The following SF3A1 variants were observed in gnomAD, a reference collection of about 807,000 sequenced individuals.
The protein encoded by SF3A1 is splicing factor 3a subunit 1.
A neutral mutation model predicts 89.9 loss-of-function variants in SF3A1; 13 were observed. That is an observed-to-expected ratio of 0.14 (90% CI 0.09 to 0.23). SF3A1 has a LOEUF of 0.23. Ranked by LOEUF, SF3A1 falls within the 10% of genes least tolerant of loss-of-function variation. The pLI, the probability that SF3A1 is intolerant of heterozygous loss-of-function variation, is 1.00. For missense variants in SF3A1, 604 were observed against 1,022.1 expected, an observed-to-expected ratio of 0.59 and a Z score of 5.58; for synonymous variants, 405 against 374.4, an observed-to-expected ratio of 1.08 and a Z score of -0.94.
At chr22:30,336,348 T>C (rs369555445) in intron 13 of SF3A1, among the ~76,000 whole-genome samples, 52 of 152,126 alleles carry the variant, frequency 3.4e-4, no homozygotes, top group African/African-American at 1.0e-3. Flanking sequence ...CGAAACCCCA[T>C]CTCTACTAAA....
intron 9 of SF3A1, 108 bp downstream of exon 9, chr22:30,340,088 C>G: frequency 1.0e-6 from 1 of 980,852 alleles, no homozygotes; most frequent in Admixed American, 3.6e-5. Flanking sequence ...GAGTGCAACT[C>G]TCCTCAAAAG....
At chr22:30,349,141 C>A (rs1443867365) in intron 2 of SF3A1, among the ~76,000 whole-genome samples, 1 of 152,202 alleles carries the variant, frequency 6.6e-6, no homozygotes, top group Non-Finnish European at 1.5e-5. Context: ...TTTTGGAAAA[C>A]CGCTCAGTTG....
At chr22:30,342,429 A>G in intron 5 of SF3A1, 79 bp from the exon 6 acceptor site, 1 of 1,478,874 alleles carries the variant, frequency 6.8e-7, no homozygotes. Flanking sequence ...CAGGGCTTTC[A>G]TCAAAGTCAG....
Position 30,345,178 on chromosome 22 carries a change from C to T in SF3A1, c.406G>A (p.Val136Ile). ...QQLPQKVQAQ[V>I]IQETIVPKEP... ...TTGGGCACGATGGTCTCTTGGATTA[C>T]TTGGGCTTGGACCTAAGATGCAAAG... The change falls in exon 4 of 16, where the codon GTA becomes ATA. Residue 136 changes from valine to isoleucine, a missense_variant. Physicochemically the swap from Val to Ile is conservative, Grantham distance 29. Transcript: ENST00000215793. The T allele has an allele frequency of 1.2e-6, 2 of 1,613,600 alleles. No individual in the cohort carries two copies. The highest frequency in any genetic ancestry group is 1.7e-6 in the Non-Finnish European group (2 of 1,179,594).
At chr22:30,337,950 G>T in intron 11 of SF3A1, 53 bp from the exon 12 acceptor site, 2 of 1,318,702 alleles carry the variant, frequency 1.5e-6, no homozygotes, top group Non-Finnish European at 2.2e-6. Flanking sequence ...GGACTCCAAG[G>T]TCACACACAG....
At chr22:30,337,596 C>T (rs1002697927) in intron 12 of SF3A1, 94 bp downstream of exon 12, 4 of 741,642 alleles carry the variant, frequency 5.4e-6, no homozygotes, top group African/African-American at 1.7e-5. Context: ...CCTGCTGGAA[C>T]AGCTGGCACT....
At chr22:30,354,769 G>A (rs1010512386) in intron 1 of SF3A1, among the ~76,000 whole-genome samples, 7 of 152,126 alleles carry the variant, frequency 4.6e-5, no homozygotes, top group African/African-American at 7.2e-5. Context: ...TGATAATAAC[G>A]TTTATCAAGT....
At chr22:30,350,322 TA>T (rs896689707) in intron 2 of SF3A1, among the ~76,000 whole-genome samples, 4 of 139,322 alleles carry the variant, frequency 2.9e-5, no homozygotes, top group African/African-American at 2.6e-5. Context: ...ATAAAAAAAA[TA>T]AAAAAAAAAT....
At chr22:30,336,558 G>C (rs1013062106) in intron 13 of SF3A1, among the ~76,000 whole-genome samples, 2 of 152,124 alleles carry the variant, frequency 1.3e-5, no homozygotes, top group Non-Finnish European at 2.9e-5. Flanking sequence ...AGCTTCCCTA[G>C]TGATTAGCAG....
intron 13 of SF3A1, 42 bp downstream of exon 13, chr22:30,336,984 C>T (rs760038459): frequency 1.2e-6 from 2 of 1,612,678 alleles, no homozygotes; most frequent in East Asian, 2.2e-5. Context: ...CGGGACTGAA[C>T]CCTCCAGCTA....
intron 2 of SF3A1, 21 bp from the exon 3 acceptor site, chr22:30,346,540 A>C (rs1172220160): frequency 3.1e-6 from 5 of 1,613,154 alleles, no homozygotes; most frequent in East Asian, 2.2e-5. Flanking sequence ...AAAAAACAAC[A>C]AGAATAAACA....
intron 1 of SF3A1, among the ~76,000 whole-genome samples, chr22:30,354,590 C>T (rs2145825498): frequency 6.6e-6 from 1 of 152,302 alleles, no homozygotes; most frequent in East Asian, 1.9e-4. Context: ...CTAGACTAAA[C>T]AATCTGGCCC....
chr22:30,343,374 T>C (rs1429607862), intron 4 of SF3A1, among the ~76,000 whole-genome samples: 1 of 152,242 alleles, frequency 6.6e-6, no homozygotes, highest in Non-Finnish European at 1.5e-5. Context: ...CTCACTAGAC[T>C]AGAAACTCCA....
chr22:30,338,435 G>A (rs540348141), intron 11 of SF3A1, among the ~76,000 whole-genome samples: 90 of 148,346 alleles, frequency 6.1e-4, no homozygotes, highest in African/African-American at 2.1e-3. Flanking sequence ...TCCAGCCTGG[G>A]CGACAAGAGC....
At chr22:30,338,392 A>G (rs987600498) in intron 11 of SF3A1, among the ~76,000 whole-genome samples, 10 of 147,684 alleles carry the variant, frequency 6.8e-5, no homozygotes, top group Middle Eastern at 3.5e-3. Flanking sequence ...CGGGAGGCGG[A>G]GGTTGCGGTG....
At chr22:30,349,666 C>CTT (rs58624811) in intron 2 of SF3A1, among the ~76,000 whole-genome samples, 82 of 138,918 alleles carry the variant, frequency 5.9e-4, no homozygotes, top group African/African-American at 2.0e-3. Flanking sequence ...TTTTTTCTTT[C>CTT]TTTTTTTTTT....
intron 2 of SF3A1, among the ~76,000 whole-genome samples, chr22:30,351,866 C>G (rs1230646964): frequency 1.3e-5 from 2 of 152,234 alleles, no homozygotes; most frequent in Non-Finnish European, 2.9e-5. Flanking sequence ...AACAAAACAT[C>G]TGTAGGCTGG....
chr22:30,349,666 CTTTT>C (rs58624811), intron 2 of SF3A1, among the ~76,000 whole-genome samples: 16 of 138,894 alleles, frequency 1.2e-4, no homozygotes, highest in East Asian at 2.1e-4. Flanking sequence ...TTTTTTCTTT[CTTTT>C]TTTTTTTTTT....
chr22:30,336,975 G>A lies in SF3A1; in HGVS notation c.2106+51C>T, dbSNP rs879222613. 1.2e-5 allele frequency: 19 copies of A among 1,607,500 alleles called. No individual in the cohort carries two copies. In the African/African-American group the frequency reaches 1.5e-4, roughly 12 times the overall value. The stretch of plus-strand genomic sequence containing the variant: ...AGTTTCGCAAGTGTACGACAGGGGC[G>A]GGACTGAACCCTCCAGCTAGAAACT... On this transcript the variant is annotated intron_variant, in intron 13 of 15. Transcript: ENST00000215793.
Sources: allele counts gnomAD v4.1 joint callset (sites outside exome capture counted in the v4.1 genomes callset), GRCh38; gene constraint gnomAD v4.1.1; transcripts MANE v1.5; gene names NCBI Gene and HGNC (gene_info 2026-07-23, HGNC 2026-07-21).